CNOT1: variants seen among roughly 807,000 people sequenced by gnomAD.
The protein encoded by CNOT1 is CCR4-NOT transcription complex subunit 1.
Under a neutral mutation model 273.8 loss-of-function variants are expected in CNOT1, and 15 were observed. That is an observed-to-expected ratio of 0.05 (90% CI 0.04 to 0.08). The LOEUF (loss-of-function observed/expected upper bound fraction) is 0.08, where lower values mean the gene tolerates loss of function less well. Among genes scored for constraint, CNOT1 ranks in the 10% least tolerant of loss-of-function variants. The pLI is 1.00. For missense variants in CNOT1, 1,644 were observed against 2,912.2 expected (o/e 0.56, Z 10.02); for synonymous variants, 1,022 against 1,005.5 (o/e 1.02, Z -0.31).
At chr16:58,536,793 AATGTT>A (rs1185593268) in intron 39 of CNOT1, among the ~76,000 whole-genome samples, 191 bp downstream of exon 39, 1 of 152,078 alleles carries the variant, frequency 6.6e-6, no homozygotes, top group African/African-American at 2.4e-5. Context: ...GGTGGGAGGG[AATGTT>A]GCCTTTACTG....
intron 4 of CNOT1, 127 bp downstream of exon 4, chr16:58,587,652 TA>T: frequency 8.4e-7 from 1 of 1,183,468 alleles, no homozygotes; most frequent in Non-Finnish European, 1.2e-6. Flanking sequence ...TTACAAACTA[TA>T]AAAGACACCC....
rs759820619 is a variant in CNOT1, at chr16:58,528,295, C to CAGCAAT, written c.6453+174_6453+179dup. ...GCTGTGAACCAATATTCACCAGCAA[C>CAGCAAT]AGCAATAGCAACAATATCATACCTT... On this transcript the variant is annotated intron_variant, in intron 44 of 48. Transcript: ENST00000317147. The CAGCAAT allele has an allele frequency of 1.1e-5, 7 of 626,958 alleles. No homozygotes were observed. The East Asian group carries it at 1.9e-4, about 17-fold the overall frequency. The allele number at this position is 626,958 out of a possible 1,614,324, so 38.8% of individuals were successfully genotyped here.
At position 58,599,453 on chromosome 16, in the gene CNOT1, T is replaced by C. The variant is rs531414471; in HGVS notation, c.-116A>G. 2.4e-6 allele frequency: 3 copies of C among 1,256,540 alleles called. No individual in the cohort carries two copies. Among genetic ancestry groups the C allele is most frequent in the East Asian group, 2.5e-5 (1 of 40,810 alleles). 77.8% of individuals were successfully genotyped at this position (1,256,540 alleles called of 1,614,324 possible). On this transcript the variant is annotated 5_prime_UTR_variant, in exon 2 of 49. Transcript: ENST00000317147. ...TTGTAATTAGGCTATATCTGGTATC[T>C]GTATAATATCTTCAGTTCTTCTTTA... is the stretch of plus-strand genomic sequence containing the variant.
intron 46 of CNOT1, 124 bp downstream of exon 46, chr16:58,525,055 G>T: frequency 1.1e-6 from 1 of 877,124 alleles, no homozygotes; most frequent in Non-Finnish European, 1.8e-6. Context: ...CTAGACCTGT[G>T]AATAAATATA....
At chr16:58,627,732 G>GT (rs2043645197) in intron 1 of CNOT1, among the ~76,000 whole-genome samples, 1 of 152,060 alleles carries the variant, frequency 6.6e-6, no homozygotes. Context: ...CTTTTCCACC[G>GT]TAATGCCACA....
At position 58,525,217 on chromosome 16, in the gene CNOT1, T is replaced by C. The variant is rs778870515; in HGVS notation, c.6746A>G (p.Asp2249Gly). 3 of 1,613,840 alleles carry C rather than the reference T, an allele frequency of 1.9e-6. No homozygotes were observed. The highest frequency in any genetic ancestry group is 2.5e-6 in the Non-Finnish European group (3 of 1,180,040). The change falls in exon 46 of 49, where the codon GAT becomes GGT. Residue 2249 changes from aspartate (D) to glycine (G), a missense_variant. By Grantham distance (94) the Asp-to-Gly change is moderately conservative. This residue lies in a region of CNOT1 where 140 missense variants were observed against 324.6 expected (regional missense o/e 0.43). Coordinates refer to ENST00000317147, the MANE Select transcript of CNOT1 (RefSeq NM_016284.5). Reference sequence around the variant, plus strand: ...GTCCACAGCCAAATTCTGGAAGATATCCATGTGTGCTGAGTGAGTGATGGT... The same window carrying C: ...GTCCACAGCCAAATTCTGGAAGATACCCATGTGTGCTGAGTGAGTGATGGT... ...MSTITHSAHM[D>G]IFQNLAVDLD...
chr16:58,552,422 T>C (rs1448708030), intron 22 of CNOT1, among the ~76,000 whole-genome samples: 1 of 152,162 alleles, frequency 6.6e-6, no homozygotes, highest in East Asian at 1.9e-4. Context: ...CCCTTTACGC[T>C]GATAAAGTAC....
At chr16:58,557,560 C>G (rs1241877936) in intron 18 of CNOT1, among the ~76,000 whole-genome samples, 1 of 152,054 alleles carries the variant, frequency 6.6e-6, no homozygotes, top group African/African-American at 2.4e-5. Flanking sequence ...GGTTTTAGTG[C>G]CCAAACTTAC....
chr16:58,575,283 G>A (rs1333667804), intron 14 of CNOT1, among the ~76,000 whole-genome samples, 154 bp from the exon 15 acceptor site: 1 of 152,044 alleles, frequency 6.6e-6, no homozygotes, highest in Non-Finnish European at 1.5e-5. Context: ...CACAATTCAG[G>A]GGTAACATTA....
rs762479250 is a variant in CNOT1 at position 58,615,918 on chromosome 16, CTTTTTTT to C, written c.-175+13803_-175+13809del. On this transcript the variant is annotated intron_variant, in intron 1 of 48. Coordinates refer to ENST00000317147, the MANE Select transcript of CNOT1 (RefSeq NM_016284.5). ...GCAACATAGAATAACCCCATCTCTA[CTTTTTTT>C]TTTTTTTTTTAATTAGCAAGGTGCA... Among the ~76,000 whole-genome samples the C allele has an allele frequency of 1.9e-5, 2 of 104,354 alleles. 1 individual carries two copies. The highest frequency in any genetic ancestry group is 2.0e-4 in the Admixed American group (2 of 10,190). The allele number at this position is 104,354 out of a possible 152,430, so 68.5% of individuals were successfully genotyped here. A position where few individuals can be genotyped will look rare whatever the true frequency, so the allele number is the denominator to read the frequency against.
At chr16:58,626,518 T>C (rs1300642244) in intron 1 of CNOT1, among the ~76,000 whole-genome samples, 2 of 151,718 alleles carry the variant, frequency 1.3e-5, no homozygotes, top group Non-Finnish European at 2.9e-5. Flanking sequence ...TCCCAGCACT[T>C]TGGGAGGCCG....
chr16:58,579,738 G>A (rs1289565196), intron 12 of CNOT1, among the ~76,000 whole-genome samples: 2 of 152,110 alleles, frequency 1.3e-5, no homozygotes. Context: ...TCTCCCTGTA[G>A]CCCTGCGTAC....
intron 1 of CNOT1, among the ~76,000 whole-genome samples, chr16:58,617,968 T>C (rs2043153684): frequency 6.6e-6 from 1 of 152,166 alleles, no homozygotes; most frequent in South Asian, 2.1e-4. Flanking sequence ...ACAGCACTAC[T>C]GCACTAGAGC....
At chr16:58,541,442 A>G in intron 34 of CNOT1, 59 bp downstream of exon 34, 1 of 1,581,782 alleles carries the variant, frequency 6.3e-7, no homozygotes, top group Non-Finnish European at 8.6e-7. Context: ...CATATATTAA[A>G]TGTCAAAAAC....
Position 58,586,572 on chromosome 16 carries a change from C to G in CNOT1, c.610G>C (p.Asp204His), listed in dbSNP as rs779379804. Residue 204 changes from aspartate to histidine, a missense_variant, in exon 7 of 49, where the codon GAC becomes CAC. By Grantham distance (81) the Asp-to-His change is moderately conservative (BLOSUM62 -1). This residue lies in a region of CNOT1 where 706 missense variants were observed against 1,021.2 expected (regional missense o/e 0.69). Coordinates refer to ENST00000317147, the MANE Select transcript of CNOT1 (RefSeq NM_016284.5). ...GAFGVGQEQI[D>H]AFLKTLRRDF... is the part of the protein sequence containing the mutation. The stretch of plus-strand genomic sequence containing the variant: ...CTGCGCAGCGTCTTAAGAAAAGCGT[C>G]TATCTGTTCTTGTCCAACTCCAAAG... 5.6e-6 allele frequency: 9 copies of G among 1,611,682 alleles called. No homozygotes were observed. In the Admixed American group the frequency reaches 1.5e-4, roughly 27 times the overall value.
intron 25 of CNOT1, chr16:58,548,559 A>C: frequency 1.9e-6 from 1 of 519,198 alleles, no homozygotes; most frequent in Non-Finnish European, 3.8e-6. Flanking sequence ...TGCAACAGAG[A>C]GCCAGGAATT....
In CNOT1 at chr16:58,532,406, C is replaced by G; in HGVS notation, c.5896-11G>C. The G allele has an allele frequency of 2.5e-6, 4 of 1,608,846 alleles. No homozygotes were observed. The South Asian group carries it at 4.4e-5, about 18-fold the overall frequency. Reference sequence around the variant, plus strand: ...TACTATACCAAGGACCTACGTAAAACACAAATCAGAGCTTGTAAATCATTC... The same window carrying G: ...TACTATACCAAGGACCTACGTAAAAGACAAATCAGAGCTTGTAAATCATTC... On this transcript the variant is annotated splice_polypyrimidine_tract_variant and intron_variant, in intron 40 of 48. Coordinates refer to ENST00000317147, the MANE Select transcript of CNOT1 (RefSeq NM_016284.5).
chr16:58,521,753 A>C (rs1261716942), intron 47 of CNOT1, among the ~76,000 whole-genome samples: 1 of 151,982 alleles, frequency 6.6e-6, no homozygotes, highest in Non-Finnish European at 1.5e-5. Context: ...GGAGTTCGAG[A>C]CCAGCCTGGC....
In CNOT1 at chr16:58,583,145, C is replaced by T; in HGVS notation, c.844G>A (p.Val282Ile). 6.2e-7 allele frequency: 1 copy of T among 1,613,958 alleles called. No homozygotes were observed. The highest frequency in any genetic ancestry group is 1.1e-5 in the South Asian group (1 of 91,078). ...ACCTGGGCAGCTGTGACCTCCCGAACACCAAACTGCACGATTATATTGCGA... is the reference window on the plus strand; with the variant it reads ...ACCTGGGCAGCTGTGACCTCCCGAATACCAAACTGCACGATTATATTGCGA... ...ECRNIIVQFG[V>I]REVTAAQVAR... is the part of the protein sequence containing the mutation. The change falls in exon 9 of 49, where the codon GTT becomes ATT. Residue 282 changes from valine (V) to isoleucine (I), a missense_variant. Val to Ile is a conservative substitution (Grantham distance 29, BLOSUM62 3). Around this residue, in one of 13 missense-constraint regions of CNOT1, gnomAD observed 706 missense variants for 1,021.2 expected, o/e 0.69. Coordinates refer to ENST00000317147, the MANE Select transcript of CNOT1 (RefSeq NM_016284.5).
Sources: gnomAD v4.1 joint callset for allele counts (sites outside exome capture counted in the v4.1 genomes callset) on GRCh38, gnomAD v4.1.1 for gene constraint, gnomAD v4.1.1 regional missense constraint, MANE v1.5 for transcripts, NCBI Gene and HGNC (gene_info 2026-07-23, HGNC 2026-07-21) for gene names.